Variants in PTPRN2 observed in about 807,000 individuals in gnomAD.
The protein encoded by PTPRN2 is protein tyrosine phosphatase receptor type N2, also known as receptor-type tyrosine-protein phosphatase N2.
PTPRN2 carries 74 observed loss-of-function variants against 118.8 expected under a neutral mutation model. The observed-to-expected ratio is 0.62, with a 90% CI of 0.52 to 0.76. PTPRN2 has a LOEUF of 0.76. Ranked by LOEUF, PTPRN2 falls within the 30% of genes least tolerant of loss-of-function variation. The pLI is 0.00. For synonymous variants in PTPRN2, 641 were observed against 608.0 expected, an observed-to-expected ratio of 1.05 and a Z score of -0.80; for missense variants, 1,481 against 1,394.4, an observed-to-expected ratio of 1.06 and a Z score of -0.99.
chr7:158,501,729 C>T (rs1822376254), intron 1 of PTPRN2, among the ~76,000 whole-genome samples: 1 of 152,182 alleles, frequency 6.6e-6, no homozygotes, highest in South Asian at 2.1e-4. Flanking sequence ...GAAAAGTCAC[C>T]AAGGAGGCCA....
intron 9 of PTPRN2, among the ~76,000 whole-genome samples, chr7:158,113,687 G>A (rs1319085067): frequency 1.3e-5 from 2 of 152,178 alleles, no homozygotes; most frequent in Non-Finnish European, 2.9e-5. Flanking sequence ...TGGGGGTTAT[G>A]AATCCTTCCT....
At chr7:158,116,585 T>A (rs1429451136) in intron 9 of PTPRN2, among the ~76,000 whole-genome samples, 1 of 152,260 alleles carries the variant, frequency 6.6e-6, no homozygotes, top group Non-Finnish European at 1.5e-5. Context: ...ATATTGGGAA[T>A]CTGCAATCTC....
chr7:158,526,899 T>G lies in PTPRN2; in HGVS notation c.113-37114A>C, dbSNP rs1563398015. 6.6e-6 allele frequency among the ~76,000 whole-genome samples: 1 copy of G among 152,122 alleles called. No individual in the cohort carries two copies. The highest frequency in any genetic ancestry group is 1.5e-5 in the Non-Finnish European group (1 of 68,020). ...GCTAAGCCGCCTGGTTTGTGGGGGT[T>G]TGTTAGGGAGACTGAGCCAATTCAT... On this transcript the variant is annotated intron_variant, in intron 1 of 22. Coordinates refer to ENST00000389418, the MANE Select transcript of PTPRN2 (RefSeq NM_002847.5). This position sits in a 1 kb window ranked among gnomAD's most constrained non-coding sequence, Gnocchi z 5.2.
At position 157,671,438 on chromosome 7, in the gene PTPRN2, C is replaced by G. The variant is rs1796405931; in HGVS notation, c.2001+11287G>C. Among the ~76,000 whole-genome samples the G allele has an allele frequency of 6.6e-6, 1 of 152,124 alleles. No homozygotes were observed. The highest frequency in any genetic ancestry group is 6.5e-5 in the Admixed American group (1 of 15,268). ...GCCCTGGTGTTCGGGATGGGACGGG[C>G]CACCCCGGGCTGAGATGGAAGCTCA... On this transcript the variant is annotated intron_variant, in intron 13 of 22. Coordinates refer to ENST00000389418, the MANE Select transcript of PTPRN2 (RefSeq NM_002847.5). The surrounding 1 kb of genome is among the most constrained non-coding windows in gnomAD (Gnocchi z 4.1).
At chr7:158,432,766 A>G in intron 2 of PTPRN2, among the ~76,000 whole-genome samples, 1 of 152,074 alleles carries the variant, frequency 6.6e-6, no homozygotes, top group East Asian at 1.9e-4. Flanking sequence ...AACAGATGCA[A>G]CCCCCATAAA....
At chr7:157,849,460 G>A (rs1231442037) in intron 12 of PTPRN2, among the ~76,000 whole-genome samples, 3 of 152,220 alleles carry the variant, frequency 2.0e-5, no homozygotes, top group African/African-American at 7.2e-5. Flanking sequence ...TCCTCTGACT[G>A]CTTGTACCCT....
At chr7:157,840,490 C>T (rs1371732802) in intron 12 of PTPRN2, among the ~76,000 whole-genome samples, 3 of 151,612 alleles carry the variant, frequency 2.0e-5, no homozygotes, top group Non-Finnish European at 2.9e-5. Flanking sequence ...GACTGTGTGA[C>T]TGTGTGACTG....
intron 1 of PTPRN2, among the ~76,000 whole-genome samples, chr7:158,547,757 G>A (rs910183444): frequency 1.3e-5 from 2 of 152,266 alleles, no homozygotes; most frequent in Admixed American, 6.5e-5. Context: ...TGCCTCATCA[G>A]CCCCCCACCG....
chr7:157,544,169 A>G (rs1373079495), intron 22 of PTPRN2, among the ~76,000 whole-genome samples: 1 of 151,718 alleles, frequency 6.6e-6, no homozygotes, highest in Non-Finnish European at 1.5e-5. Context: ...GTGGAGAGAG[A>G]CGGAGAGAGG....
intron 9 of PTPRN2, 58 bp from the exon 10 acceptor site, chr7:158,110,973 C>T (rs1816207488): frequency 6.9e-6 from 10 of 1,448,428 alleles, no homozygotes; most frequent in African/African-American, 1.4e-5. Flanking sequence ...TCCTGGAGAA[C>T]TAAAGCCCTG....
chr7:157,630,805 C>T (rs1803895811), intron 14 of PTPRN2, among the ~76,000 whole-genome samples: 1 of 152,120 alleles, frequency 6.6e-6, no homozygotes, highest in African/African-American at 2.4e-5. Context: ...GTGTGAAAGA[C>T]CATTCATGGG....
intron 3 of PTPRN2, among the ~76,000 whole-genome samples, chr7:158,264,681 A>G (rs11773835): frequency 0.42 from 63,245 of 152,004 alleles, 13,578 homozygotes; most frequent in African/African-American, 0.52. Context: ...GCCGGGAGCC[A>G]GGAGCCGTGG....
At chr7:158,440,403 TAGTGGTGGTGGTGATAGTGAAAGC>T (rs1368268709) in intron 2 of PTPRN2, among the ~76,000 whole-genome samples, 4 of 152,084 alleles carry the variant, frequency 2.6e-5, no homozygotes, top group South Asian at 4.2e-4. Flanking sequence ...ATGGTGATGG[TAGTGGTGGTGGTGATAGTGAAAGC>T]AGTGGTGGTG....
Position 157,806,407 on chromosome 7 carries a change from T to C in PTPRN2, c.1788+92266A>G, listed in dbSNP as rs149196843. On this transcript the variant is annotated intron_variant, in intron 12 of 22. Coordinates refer to ENST00000389418, the MANE Select transcript of PTPRN2 (RefSeq NM_002847.5). Reference sequence around the variant, plus strand: ...ATGTGTACAAAAATATGCACATATGTACATACAGATGTATCTGTATATATG... The same window carrying C: ...ATGTGTACAAAAATATGCACATATGCACATACAGATGTATCTGTATATATG... Among the ~76,000 whole-genome samples, 235 of 152,352 alleles carry C rather than the reference T, an allele frequency of 1.5e-3. 1 individual carries two copies. The highest frequency in any genetic ancestry group is 5.4e-3 in the African/African-American group (224 of 41,594).
At chr7:158,309,113 T>G (rs1801507714) in intron 3 of PTPRN2, among the ~76,000 whole-genome samples, 1 of 152,232 alleles carries the variant, frequency 6.6e-6, no homozygotes, top group Admixed American at 6.5e-5. Context: ...AGAATACTCT[T>G]CAATTAACTT....
At chr7:158,129,320 CAT>C (rs1294795505) in intron 9 of PTPRN2, among the ~76,000 whole-genome samples, 1 of 150,782 alleles carries the variant, frequency 6.6e-6, no homozygotes, top group East Asian at 2.0e-4. Flanking sequence ...ACACTACACA[CAT>C]ACTGTACACC....
At chr7:158,382,848 A>G (rs1811065319) in intron 2 of PTPRN2, among the ~76,000 whole-genome samples, 1 of 152,222 alleles carries the variant, frequency 6.6e-6, no homozygotes, top group African/African-American at 2.4e-5. Context: ...GCTTGCAGAC[A>G]CATATGAAAA....
At chr7:157,775,155 C>T (rs1248229652) in intron 12 of PTPRN2, among the ~76,000 whole-genome samples, 1 of 152,204 alleles carries the variant, frequency 6.6e-6, no homozygotes, top group East Asian at 1.9e-4. Context: ...TCCGTCACGG[C>T]AGTGTAGGCT....
rs567472101 is a variant in PTPRN2 at position 157,638,492 on chromosome 7, C to A, written c.2197-16983G>T. Among the ~76,000 whole-genome samples, 4 of 152,342 alleles carry A rather than the reference C, an allele frequency of 2.6e-5. No homozygotes were observed. In the South Asian group the frequency reaches 8.3e-4, roughly 32 times the overall value. On this transcript the variant is annotated intron_variant, in intron 14 of 22. Transcript: ENST00000389418. ...GGCTTCCATAGTCAACCACAATTAC[C>A]AAGTGTTGACTGGTCACCACTCCTC...
Sources: gnomAD v4.1 joint callset for allele counts (sites outside exome capture counted in the v4.1 genomes callset) on GRCh38, gnomAD v4.1.1 for gene constraint, Gnocchi (gnomAD v3.1) non-coding constraint, MANE v1.5 for transcripts, NCBI Gene and HGNC (gene_info 2026-07-23, HGNC 2026-07-21) for gene names.